ADAM18: variants seen among roughly 807,000 people sequenced by gnomAD.
ADAM18 encodes disintegrin and metalloproteinase domain-containing protein 18.
ADAM18 carries 117 observed loss-of-function variants against 94.4 expected under a neutral mutation model. The ratio of observed to expected loss-of-function variants is 1.24; its 90% CI spans 1.07 to 1.45. The LOEUF (loss-of-function observed/expected upper bound fraction) is 1.45, where lower values mean the gene tolerates loss of function less well. ADAM18 is among the 40% of genes most tolerant of loss of function. The probability of loss-of-function intolerance (pLI) is 0.00; values close to 1 mark genes in which losing one functional copy is unlikely to be tolerated. For missense variants in ADAM18, 936 were observed against 880.0 expected, an observed-to-expected ratio of 1.06 and a Z score of -0.81; for synonymous variants, 327 against 291.6, an observed-to-expected ratio of 1.12 and a Z score of -1.24.
chr8:39,596,970 G>GA (rs1480682519), intron 2 of ADAM18, among the ~76,000 whole-genome samples: 1 of 152,146 alleles, frequency 6.6e-6, no homozygotes, highest in Non-Finnish European at 1.5e-5. Flanking sequence ...AAGATTAGAA[G>GA]AAAGTACAGA....
intron 19 of ADAM18, among the ~76,000 whole-genome samples, chr8:39,727,727 T>G (rs1250036998): frequency 6.6e-6 from 1 of 152,178 alleles, no homozygotes; most frequent in African/African-American, 2.4e-5. Context: ...AAGTTCCAAA[T>G]GTTCCCTCAT....
At chr8:39,703,905 C>T (rs1415760970) in intron 17 of ADAM18, among the ~76,000 whole-genome samples, 1 of 152,052 alleles carries the variant, frequency 6.6e-6, no homozygotes, top group Non-Finnish European at 1.5e-5. Flanking sequence ...CACAGAAATA[C>T]AAACAACCAT....
chr8:39,653,558 A>ACAT (rs1736545585), intron 12 of ADAM18, among the ~76,000 whole-genome samples: 1 of 152,242 alleles, frequency 6.6e-6, no homozygotes, highest in Non-Finnish European at 1.5e-5. Flanking sequence ...AGTTCATGCC[A>ACAT]CATGACTCTA....
At chr8:39,647,234 C>CCA (rs540372228) in intron 11 of ADAM18, among the ~76,000 whole-genome samples, 3 of 130,152 alleles carry the variant, frequency 2.3e-5, no homozygotes, top group African/African-American at 5.8e-5. Flanking sequence ...AGAAAGTCAG[C>CCA]AAAAAAAAAA....
chr8:39,648,678 A>G, intron 12 of ADAM18, 151 bp downstream of exon 12: 1 of 783,176 alleles, frequency 1.3e-6, no homozygotes, highest in South Asian at 2.5e-5. Flanking sequence ...AGATGTATAA[A>G]TCACGTTCCC....
intron 12 of ADAM18, among the ~76,000 whole-genome samples, chr8:39,659,835 A>G (rs1032135335): frequency 1.3e-5 from 2 of 152,126 alleles, no homozygotes; most frequent in Non-Finnish European, 2.9e-5. Context: ...GCTGAAAATA[A>G]TTATAGATAC....
At chr8:39,584,804 TG>T (rs1818349066) in intron 1 of ADAM18, 127 bp downstream of exon 1, 1 of 1,165,756 alleles carries the variant, frequency 8.6e-7, no homozygotes, top group Non-Finnish European at 1.2e-6. Context: ...CTGGTGCTTC[TG>T]GTGTGTCAGG....
intron 11 of ADAM18, among the ~76,000 whole-genome samples, chr8:39,646,997 G>T (rs144110859): frequency 6.6e-6 from 1 of 152,160 alleles, no homozygotes; most frequent in Admixed American, 6.5e-5. Flanking sequence ...GGGGTGGCCT[G>T]CCCCTCCACA....
chr8:39,586,804 A>C (rs62511867), intron 2 of ADAM18, among the ~76,000 whole-genome samples: 13,882 of 105,226 alleles, frequency 0.13, 693 homozygotes, highest in Non-Finnish European at 0.19. Context: ...ATCTATCTAT[A>C]TCTATCTATC....
chr8:39,725,037 T>C (rs939359601), intron 19 of ADAM18, among the ~76,000 whole-genome samples: 2 of 151,980 alleles, frequency 1.3e-5, no homozygotes, highest in Non-Finnish European at 2.9e-5. Context: ...AGAAGGTGTA[T>C]TTACTATTGT....
chr8:39,600,388 G>T (rs1232580119), intron 2 of ADAM18, among the ~76,000 whole-genome samples: 2 of 152,116 alleles, frequency 1.3e-5, no homozygotes, highest in African/African-American at 4.8e-5. Context: ...AATTTGATTG[G>T]ATCCAGGTAA....
rs111979715 is a variant in ADAM18 at position 39,626,143 on chromosome 8, G to A, written c.523-3231G>A. 1.6e-3 allele frequency among the ~76,000 whole-genome samples: 251 copies of A among 152,148 alleles called. 3 individuals are homozygous for A. The highest frequency in any genetic ancestry group is 5.9e-3 in the African/African-American group (245 of 41,510). The stretch of plus-strand genomic sequence containing the variant: ...TATTTCATCTTGATTCAAGCTAGTA[G>A]GGTTGTGTGTTTCCAGGAATTTATC... On this transcript the variant is annotated intron_variant, in intron 6 of 19. Transcript: ENST00000265707.
intron 6 of ADAM18, 72 bp from the exon 7 acceptor site, chr8:39,629,302 T>C: frequency 8.2e-7 from 1 of 1,220,914 alleles, no homozygotes; most frequent in Non-Finnish European, 1.2e-6. Context: ...TCGCTGTCTT[T>C]ACATGTCATC....
chr8:39,643,344 C>G (rs1346782278), intron 10 of ADAM18, among the ~76,000 whole-genome samples: 2 of 152,126 alleles, frequency 1.3e-5, no homozygotes, highest in Admixed American at 1.3e-4. Flanking sequence ...TATCTAGAGC[C>G]ACTTTTAAGG....
intron 7 of ADAM18, among the ~76,000 whole-genome samples, chr8:39,633,256 A>G (rs915827540): frequency 1.3e-5 from 2 of 152,190 alleles, no homozygotes; most frequent in Non-Finnish European, 2.9e-5. Context: ...GGGTGTTGCC[A>G]TTGCAAATGC....
At chr8:39,690,179 C>T (rs1471061936) in intron 16 of ADAM18, among the ~76,000 whole-genome samples, 1 of 152,170 alleles carries the variant, frequency 6.6e-6, no homozygotes, top group African/African-American at 2.4e-5. Context: ...AGACTGCTGG[C>T]AATACCACTC....
At chr8:39,671,324 C>T (rs1214177480) in intron 14 of ADAM18, among the ~76,000 whole-genome samples, 1 of 152,106 alleles carries the variant, frequency 6.6e-6, no homozygotes, top group African/African-American at 2.4e-5. Context: ...ATTAATGGGG[C>T]AAATAGTAAC....
At chr8:39,624,027 T>G (rs1026572377) in intron 6 of ADAM18, among the ~76,000 whole-genome samples, 5 of 152,222 alleles carry the variant, frequency 3.3e-5, no homozygotes, top group Non-Finnish European at 5.9e-5. Flanking sequence ...CTGATTTGTT[T>G]GAGTTCCTTG....
Position 39,678,891 on chromosome 8 carries a change from T to C in ADAM18, c.1632-1146T>C, listed in dbSNP as rs1456244853. ...TGATTCCTTTTCAAAAAAGAAAAAA[T>C]AGTTCTAAGAATTTAACCATAAATG... On this transcript the variant is annotated intron_variant, in intron 15 of 19. Transcript: ENST00000265707. Among the ~76,000 whole-genome samples the C allele has an allele frequency of 5.9e-5, 9 of 152,210 alleles. 1 individual carries two copies. The South Asian group carries it at 1.5e-3, about 25-fold the overall frequency.
Sources: gnomAD v4.1 joint callset for allele counts (sites outside exome capture counted in the v4.1 genomes callset) on GRCh38, gnomAD v4.1.1 for gene constraint, MANE v1.5 for transcripts, NCBI Gene and HGNC (gene_info 2026-07-23, HGNC 2026-07-21) for gene names.